LINGO2: variants seen among roughly 807,000 people sequenced by gnomAD.
LINGO2 encodes the protein leucine rich repeat and Ig domain containing 2, also known as leucine-rich repeat and immunoglobulin-like domain-containing nogo receptor-interacting protein 2.
In LINGO2, 14 loss-of-function variants were observed where a neutral mutation model predicts 30.6. The observed-to-expected ratio is 0.46, with a 90% CI of 0.30 to 0.72. LINGO2 has a LOEUF of 0.72. LINGO2 is among the 30% of genes least tolerant of loss of function. The probability of loss-of-function intolerance (pLI) is 0.07; values close to 1 mark genes in which losing one functional copy is unlikely to be tolerated. For synonymous variants in LINGO2, 317 were observed against 288.5 expected (o/e 1.10, Z -1.00); for missense variants, 729 against 751.7 (o/e 0.97, Z 0.35).
rs1171384172 is a variant in LINGO2 at position 28,101,782 on chromosome 9, C to T, written c.-86-89377G>A. The stretch of plus-strand genomic sequence containing the variant: ...AGCCCACACTGCTAGAAGCCAAGTG[C>T]GGATTACATTCCCCTGCCATCAAAA... On this transcript the variant is annotated intron_variant, in intron 4 of 5. Transcript: ENST00000379992. Among the ~76,000 whole-genome samples the T allele has an allele frequency of 2.0e-5, 3 of 152,108 alleles. No homozygotes were observed. The South Asian group carries it at 6.2e-4, about 32-fold the overall frequency.
the LINGO2 span, among the ~76,000 whole-genome samples, chr9:29,068,611 T>C: frequency 6.6e-6 from 1 of 151,900 alleles, no homozygotes; most frequent in Non-Finnish European, 1.5e-5. Context: ...ATAGTGCTGG[T>C]TAATGTTTTC....
At chr9:28,138,631 G>A (rs1827583250) in intron 4 of LINGO2, among the ~76,000 whole-genome samples, 1 of 152,152 alleles carries the variant, frequency 6.6e-6, no homozygotes, top group South Asian at 2.1e-4. Context: ...AACTAATCAT[G>A]AATTTTATTC....
At chr9:28,415,176 C>T (rs1024069803) in intron 2 of LINGO2, among the ~76,000 whole-genome samples, 5 of 152,018 alleles carry the variant, frequency 3.3e-5, no homozygotes, top group Non-Finnish European at 7.4e-5. Context: ...AATCAATTCA[C>T]GTGCTAGTTC....
intron 4 of LINGO2, among the ~76,000 whole-genome samples, chr9:28,153,027 G>A (rs1037236337): frequency 5.3e-5 from 8 of 152,082 alleles, no homozygotes; most frequent in Non-Finnish European, 1.0e-4. Flanking sequence ...AATAACCCCC[G>A]ATGCTCAATA....
At chr9:28,565,591 G>A (rs901503479) in intron 1 of LINGO2, among the ~76,000 whole-genome samples, 9 of 151,110 alleles carry the variant, frequency 6.0e-5, no homozygotes, top group Non-Finnish European at 7.4e-5. Flanking sequence ...TCGCTCTGTC[G>A]CCCAGGCTGG....
intron 1 of LINGO2, among the ~76,000 whole-genome samples, chr9:28,632,905 G>C (rs1030235284): frequency 1.4e-5 from 2 of 140,462 alleles, no homozygotes; most frequent in African/African-American, 5.4e-5. Context: ...GAGAGAGAGA[G>C]AGAGAGAGGA....
At chr9:27,945,775 T>C (rs1823341586), downstream of LINGO2, among the ~76,000 whole-genome samples, 1 of 152,136 alleles carries the variant, frequency 6.6e-6, no homozygotes, top group South Asian at 2.1e-4. Context: ...ACTCAATGGA[T>C]ACCAGAGCTT....
At chr9:28,666,826 C>A (rs1039210724) in intron 1 of LINGO2, among the ~76,000 whole-genome samples, 2 of 152,118 alleles carry the variant, frequency 1.3e-5, no homozygotes, top group Admixed American at 1.3e-4. Context: ...TTTTTCTCAG[C>A]TAGATAAAAC....
chr9:28,804,565 A>AAAAAC, the LINGO2 span, among the ~76,000 whole-genome samples: 3,401 of 85,954 alleles, frequency 0.04, 124 homozygotes, highest in African/African-American at 0.15. Context: ...AAACAAAAAC[A>AAAAAC]AAAAAAAAAC....
chr9:28,854,576 T>C, the LINGO2 span, among the ~76,000 whole-genome samples: 1 of 151,934 alleles, frequency 6.6e-6, no homozygotes, highest in African/African-American at 2.4e-5. Flanking sequence ...GTAGGTAGTA[T>C]CCCTTAGCCA....
At chr9:29,096,027 G>A in the LINGO2 span, among the ~76,000 whole-genome samples, 1 of 139,004 alleles carries the variant, frequency 7.2e-6, no homozygotes, top group Non-Finnish European at 1.6e-5. Context: ...ATTTCTCCCA[G>A]TGTAGGTAAT....
chr9:28,362,922 C>A (rs1820508993), intron 3 of LINGO2, among the ~76,000 whole-genome samples: 1 of 152,146 alleles, frequency 6.6e-6, no homozygotes, highest in South Asian at 2.1e-4. Flanking sequence ...ATGTCTGTCG[C>A]ATTTTTATTT....
At chr9:28,558,001 TG>T (rs1162600195) in intron 1 of LINGO2, among the ~76,000 whole-genome samples, 2 of 52,204 alleles carry the variant, frequency 3.8e-5, no homozygotes, top group Admixed American at 3.0e-4. Flanking sequence ...TGTGGTGGGG[TG>T]GGGGGAGGGG....
chr9:28,612,443 G>T (rs1316858247), intron 1 of LINGO2, among the ~76,000 whole-genome samples: 1 of 152,128 alleles, frequency 6.6e-6, no homozygotes, highest in East Asian at 1.9e-4. Context: ...GAAATCAGCT[G>T]GGAGGGGGGC....
the LINGO2 span, among the ~76,000 whole-genome samples, chr9:28,714,259 T>C: frequency 1.3e-5 from 2 of 150,588 alleles, no homozygotes; most frequent in African/African-American, 4.9e-5. Flanking sequence ...GTCATTAACA[T>C]CTTCTACATC....
the LINGO2 span, among the ~76,000 whole-genome samples, chr9:28,928,483 T>G: frequency 1.3e-5 from 2 of 152,300 alleles, no homozygotes; most frequent in South Asian, 4.1e-4. Flanking sequence ...GTGTTTTTTT[T>G]TAAATAAATA....
chr9:28,001,713 A>AT (rs909922169), intron 5 of LINGO2, among the ~76,000 whole-genome samples: 1 of 152,040 alleles, frequency 6.6e-6, no homozygotes, highest in Non-Finnish European at 1.5e-5. Context: ...GGAAAAAAAA[A>AT]GCACAAGTAC....
chr9:28,544,056 A>G (rs1821823772), intron 1 of LINGO2, among the ~76,000 whole-genome samples: 1 of 152,008 alleles, frequency 6.6e-6, no homozygotes, highest in African/African-American at 2.4e-5. Context: ...TACAAAAATT[A>G]GCTGGGCATG....
At chr9:28,503,102 T>G (rs574980265) in intron 1 of LINGO2, among the ~76,000 whole-genome samples, 134 of 152,172 alleles carry the variant, frequency 8.8e-4, no homozygotes, top group African/African-American at 3.0e-3. Context: ...TTTTACGAAT[T>G]TGACTCAAAA....
Sources: allele counts gnomAD v4.1 joint callset (sites outside exome capture counted in the v4.1 genomes callset), GRCh38; gene constraint gnomAD v4.1.1; transcripts MANE v1.5; gene names NCBI Gene and HGNC (gene_info 2026-07-23, HGNC 2026-07-21).